RBFOX1: variants seen among roughly 807,000 people sequenced by gnomAD.
The protein encoded by RBFOX1 is RNA binding fox-1 homolog 1.
In RBFOX1, 8 loss-of-function variants were observed where a neutral mutation model predicts 57.7. The observed-to-expected ratio is 0.14, with a 90% confidence interval of 0.08 to 0.25. RBFOX1 has a LOEUF of 0.25. Ranked by LOEUF, RBFOX1 falls within the 10% of genes least tolerant of loss-of-function variation. The pLI, the probability that RBFOX1 is intolerant of heterozygous loss-of-function variation, is 1.00. For synonymous variants in RBFOX1, 326 were observed against 222.4 expected (o/e 1.47, Z -4.15); for missense variants, 611 against 548.5 (o/e 1.11, Z -1.14).
intron 3 of RBFOX1, among the ~76,000 whole-genome samples, chr16:6,778,505 A>G (rs906214402): frequency 1.3e-5 from 2 of 152,126 alleles, no homozygotes; most frequent in African/African-American, 2.4e-5. Context: ...CAACATTAAC[A>G]TTGATTCCCT....
At chr16:6,411,073 C>A (rs973351965) in intron 2 of RBFOX1, among the ~76,000 whole-genome samples, 1 of 152,124 alleles carries the variant, frequency 6.6e-6, no homozygotes, top group Non-Finnish European at 1.5e-5. Context: ...TAGTATTATT[C>A]CCCTACTCTG....
chr16:6,344,436 C>T (rs1430560376), intron 2 of RBFOX1, among the ~76,000 whole-genome samples: 2 of 101,298 alleles, frequency 2.0e-5, no homozygotes, highest in South Asian at 3.0e-4. Flanking sequence ...GAGTCTCTAT[C>T]GCCCAGGCTG....
chr16:7,537,357 A>G (rs567434114), intron 5 of RBFOX1, among the ~76,000 whole-genome samples: 3 of 152,286 alleles, frequency 2.0e-5, no homozygotes, highest in Admixed American at 2.0e-4. Context: ...AGTCCCTTGT[A>G]ATTTAATTCT....
intron 3 of RBFOX1, among the ~76,000 whole-genome samples, chr16:7,027,874 C>T (rs946571588): frequency 9.9e-5 from 14 of 141,276 alleles, no homozygotes; most frequent in African/African-American, 2.9e-4. Flanking sequence ...AGAGGGAAAC[C>T]GGGAGAAAAA....
chr16:5,284,756 A>AATTTTTTTTT (rs1303967371), intron 1 of RBFOX1, among the ~76,000 whole-genome samples: 9 of 61,030 alleles, frequency 1.5e-4, no homozygotes, highest in Non-Finnish European at 2.7e-4. Flanking sequence ...TTTGGCTTAG[A>AATTTTTTTTT]TTTTTTTTTT....
chr16:5,274,160 C>A (rs960683537), intron 1 of RBFOX1, among the ~76,000 whole-genome samples: 1 of 152,166 alleles, frequency 6.6e-6, no homozygotes, highest in Non-Finnish European at 1.5e-5. Context: ...ATCTCTCATG[C>A]CTTGTGTTCT....
At chr16:5,255,291 C>T (rs1485502146) in intron 1 of RBFOX1, among the ~76,000 whole-genome samples, 3 of 147,844 alleles carry the variant, frequency 2.0e-5, no homozygotes, top group Middle Eastern at 3.5e-3. Context: ...AGTCCACCTG[C>T]TCATCTGTCC....
At chr16:7,300,559 CT>C (rs1214432912) in intron 4 of RBFOX1, among the ~76,000 whole-genome samples, 1 of 152,124 alleles carries the variant, frequency 6.6e-6, no homozygotes, top group Non-Finnish European at 1.5e-5. Flanking sequence ...TCAAGTCCTT[CT>C]TTCTGTCTAA....
chr16:5,869,922 A>G (rs1464035476), intron 4 of RBFOX1, among the ~76,000 whole-genome samples: 1 of 152,166 alleles, frequency 6.6e-6, no homozygotes, highest in Non-Finnish European at 1.5e-5. Flanking sequence ...AACAAACCAA[A>G]TGTCTATTAA....
Position 6,888,161 on chromosome 16 carries a change from G to A in RBFOX1, c.-15-163896G>A, listed in dbSNP as rs368878063. The stretch of plus-strand genomic sequence containing the variant: ...ATTTAGGATTTAAGAACAGTAGGCA[G>A]TAGTTGTGACATTTTGAACATTTTA... On this transcript the variant is annotated intron_variant, in intron 3 of 15. Coordinates refer to ENST00000550418, the MANE Select transcript of RBFOX1 (RefSeq NM_018723.4). 6.6e-5 allele frequency among the ~76,000 whole-genome samples: 10 copies of A among 152,264 alleles called. 2 individuals are homozygous for A. Among genetic ancestry groups the A allele is most frequent in the East Asian group, 1.9e-4 (1 of 5,170 alleles).
chr16:7,027,009 G>T (rs1481590187), intron 3 of RBFOX1, among the ~76,000 whole-genome samples: 2 of 152,102 alleles, frequency 1.3e-5, no homozygotes, highest in Non-Finnish European at 2.9e-5. Context: ...TAGCTGTGCT[G>T]CAGCCACAGC....
intron 2 of RBFOX1, among the ~76,000 whole-genome samples, chr16:6,498,176 T>C (rs914604902): frequency 5.4e-5 from 8 of 147,374 alleles, no homozygotes; most frequent in African/African-American, 2.0e-4. Flanking sequence ...CACTACTACC[T>C]GGGAGGTGGA....
chr16:5,580,950 A>C (rs995225476), intron 2 of RBFOX1, among the ~76,000 whole-genome samples: 5 of 152,234 alleles, frequency 3.3e-5, no homozygotes, highest in Admixed American at 6.5e-5. Context: ...AGGCTAAGGC[A>C]AGGGAAACAG....
In RBFOX1 at chr16:6,696,668, T is replaced by C. The variant is rs571564151; in HGVS notation, c.-16+42018T>C. ...CTATCTGTACAGTCTCCTTCAGATA[T>C]GAACAGTTTTATATCTCAAAGGAGA... On this transcript the variant is annotated intron_variant, in intron 3 of 15. Coordinates refer to ENST00000550418, the MANE Select transcript of RBFOX1 (RefSeq NM_018723.4). 2.3e-4 allele frequency among the ~76,000 whole-genome samples: 33 copies of C among 145,598 alleles called. No homozygotes were observed. The Admixed American group carries it at 2.4e-3, about 10-fold the overall frequency.
chr16:7,187,789 C>A (rs905276209), intron 4 of RBFOX1, among the ~76,000 whole-genome samples: 3 of 146,186 alleles, frequency 2.1e-5, no homozygotes, highest in African/African-American at 7.6e-5. Flanking sequence ...AAATAATATT[C>A]ATCAGCATTT....
In RBFOX1 at chr16:6,983,904, A is replaced by G. The variant is rs117868885; in HGVS notation, c.-15-68153A>G. On this transcript the variant is annotated intron_variant, in intron 3 of 15. Transcript: ENST00000550418. ...GACAAGGTGTTGTGTGACTCTTAGC[A>G]TGTAGTAATGTGTCATAAGAGCACA... Among the ~76,000 whole-genome samples, 271 of 152,258 alleles carry G rather than the reference A, an allele frequency of 1.8e-3. 1 individual carries two copies. The highest frequency in any genetic ancestry group is 2.8e-3 in the Non-Finnish European group (192 of 68,008).
intron 4 of RBFOX1, among the ~76,000 whole-genome samples, chr16:7,439,407 G>A (rs1345306026): frequency 2.0e-5 from 3 of 151,634 alleles, no homozygotes; most frequent in African/African-American, 7.3e-5. Context: ...TTTCTGGGTG[G>A]AGGAAAAGGC....
chr16:6,726,060 T>C lies in RBFOX1; in HGVS notation c.-16+71410T>C, dbSNP rs1024756. Among the ~76,000 whole-genome samples, 696 of 152,324 alleles carry C rather than the reference T, an allele frequency of 4.6e-3. 3 individuals are homozygous for C. Among genetic ancestry groups the C allele is most frequent in the African/African-American group, 0.016 (670 of 41,568 alleles). Reference sequence around the variant, plus strand: ...GAGAGAGGAATTAAGATTTGTTCCGTGTTGACTCCTACGTGATTATGTTAT... The same window carrying C: ...GAGAGAGGAATTAAGATTTGTTCCGCGTTGACTCCTACGTGATTATGTTAT... On this transcript the variant is annotated intron_variant, in intron 3 of 15. Transcript: ENST00000550418.
chr16:7,217,583 G>C (rs2092310048), intron 4 of RBFOX1, among the ~76,000 whole-genome samples: 1 of 152,030 alleles, frequency 6.6e-6, no homozygotes, highest in African/African-American at 2.4e-5. Flanking sequence ...GCATGACAAA[G>C]GGTCATGAGA....
Sources: allele counts gnomAD v4.1 joint callset (sites outside exome capture counted in the v4.1 genomes callset), GRCh38; gene constraint gnomAD v4.1.1; transcripts MANE v1.5; gene names NCBI Gene and HGNC (gene_info 2026-07-23, HGNC 2026-07-21).